ENTPD4: variants seen among roughly 807,000 people sequenced by gnomAD.
ENTPD4 encodes ectonucleoside triphosphate diphosphohydrolase 4, also known as Golgi UDPase.
ENTPD4 carries 60 observed loss-of-function variants against 79.1 expected under a neutral mutation model. The ratio of observed to expected loss-of-function variants is 0.76; its 90% CI spans 0.62 to 0.94. The LOEUF (loss-of-function observed/expected upper bound fraction) is 0.94, where lower values mean the gene tolerates loss of function less well. Among genes scored for constraint, ENTPD4 ranks in the 40% least tolerant of loss-of-function variants. The probability of loss-of-function intolerance (pLI) is 0.00; values close to 1 mark genes in which losing one functional copy is unlikely to be tolerated. For synonymous variants in ENTPD4, 276 were observed against 292.0 expected (o/e 0.95, Z 0.56); for missense variants, 772 against 775.1 (o/e 1.00, Z 0.05).
In ENTPD4 at chr8:23,448,927, G is replaced by A; in HGVS notation, c.21C>T (p.Ser7=). Residue 7 remains serine (S), a synonymous_variant, in exon 3 of 13, where the codon TCC becomes TCT. Coordinates refer to ENST00000358689, the MANE Select transcript of ENTPD4 (RefSeq NM_004901.5). MGRIGI[S]CLFPASWHFS... The stretch of plus-strand genomic sequence containing the variant: ...AATGCCAAGAAGCAGGAAAAAGACA[G>A]GAGATGCCAATCCTGAAATTAGAAG... 2 of 1,613,410 alleles carry A rather than the reference G, an allele frequency of 1.2e-6. No individual in the cohort carries two copies. Among genetic ancestry groups the A allele is most frequent in the Non-Finnish European group, 1.7e-6 (2 of 1,179,662 alleles).
chr8:23,434,261 GCTGTAA>G (rs1408062497), intron 12 of ENTPD4, 50 bp downstream of exon 12: 1 of 1,598,726 alleles, frequency 6.3e-7, no homozygotes, highest in Non-Finnish European at 8.6e-7. Context: ...GCCATGAGGT[GCTGTAA>G]CTGCAGAAAA....
Position 23,444,550 on chromosome 8 carries a change from A to C in ENTPD4, c.469T>G (p.Leu157Val), listed in dbSNP as rs769168677. 5 of 1,614,184 alleles carry C rather than the reference A, an allele frequency of 3.1e-6. No individual in the cohort carries two copies. The highest frequency in any genetic ancestry group is 4.2e-6 in the Non-Finnish European group (5 of 1,179,988). ...GGCACATGCTCTGCAGCAAAGTTCA[A>C]AAGTGGAGAAATGTAATCACTGACT... ...EKVSDYISPL[L>V]NFAAEHVPRA... Residue 157 changes from leucine (L) to valine (V), a missense_variant, in exon 5 of 13, where the codon TTG (leucine) becomes GTG (valine). Physicochemically the swap from Leu to Val is conservative, Grantham distance 32. Transcript: ENST00000358689.
intron 1 of ENTPD4, among the ~76,000 whole-genome samples, chr8:23,457,208 G>C (rs1223295459): frequency 1.3e-5 from 2 of 152,198 alleles, no homozygotes; most frequent in Non-Finnish European, 2.9e-5. Context: ...GGGCCGGCTG[G>C]GTCCCGGGTG....
intron 8 of ENTPD4, chr8:23,441,301 T>C: frequency 2.6e-6 from 1 of 387,348 alleles, no homozygotes; most frequent in Non-Finnish European, 3.5e-6. Flanking sequence ...GAAGAGAAAA[T>C]ATAAACTGAA....
chr8:23,435,382 T>C lies in ENTPD4; in HGVS notation c.1460+10A>G, dbSNP rs1800538570. The C allele has an allele frequency of 2.5e-6, 4 of 1,606,850 alleles. No homozygotes were observed. Among genetic ancestry groups the C allele is most frequent in the African/African-American group, 2.7e-5 (2 of 74,944 alleles). ...TAAGAGTGCCCTGGGCTTGACCTTCTAGTACTTACTTAAGCCTGTGGAGGT... is the reference window on the plus strand; with the variant it reads ...TAAGAGTGCCCTGGGCTTGACCTTCCAGTACTTACTTAAGCCTGTGGAGGT... On this transcript the variant is annotated intron_variant, in intron 11 of 12. Transcript: ENST00000358689.
chr8:23,435,391 C>T lies in ENTPD4; in HGVS notation c.1460+1G>A, dbSNP rs1300621447. 1.9e-6 allele frequency: 3 copies of T among 1,611,568 alleles called. No homozygotes were observed. Among genetic ancestry groups the T allele is most frequent in the Non-Finnish European group, 2.5e-6 (3 of 1,177,928 alleles). On this transcript the variant is annotated splice_donor_variant, in intron 11 of 12. Transcript: ENST00000358689. LOFTEE classifies it high-confidence loss of function. ...CCTGGGCTTGACCTTCTAGTACTTA[C>T]TTAAGCCTGTGGAGGTCAGCATGAG... is the stretch of plus-strand genomic sequence containing the variant.
intron 12 of ENTPD4, among the ~76,000 whole-genome samples, chr8:23,433,405 G>C (rs1284485264): frequency 6.6e-6 from 1 of 152,194 alleles, no homozygotes; most frequent in Non-Finnish European, 1.5e-5. Flanking sequence ...TAGAAGAGCC[G>C]TGAAGGTTTC....
At chr8:23,439,988 A>G in intron 8 of ENTPD4, 73 bp from the exon 9 acceptor site, 1 of 1,347,312 alleles carries the variant, frequency 7.4e-7, no homozygotes, top group Non-Finnish European at 1.0e-6. Flanking sequence ...AAAGTCTAAA[A>G]ATAGTCTCAT....
rs1482461014 is a variant in ENTPD4, at chr8:23,429,627, T to C, written c.*3299A>G. 6 of 985,356 alleles carry C rather than the reference T, an allele frequency of 6.1e-6. No individual in the cohort carries two copies. The East Asian group carries it at 6.8e-4, about 112-fold the overall frequency. The allele number at this position is 985,356 out of a possible 1,614,324, so 61.0% of individuals were successfully genotyped here. On this transcript the variant is annotated 3_prime_UTR_variant, in exon 13 of 13. Transcript: ENST00000358689. The stretch of plus-strand genomic sequence containing the variant: ...AAAACTACTCTGTGTAGGCCTGAGT[T>C]TAAAATGTAAATATCTGTTTATCCA...
Position 23,449,961 on chromosome 8 carries a change from G to C in ENTPD4, c.-61C>G. On this transcript the variant is annotated 5_prime_UTR_variant, in exon 2 of 13. Coordinates refer to ENST00000358689, the MANE Select transcript of ENTPD4 (RefSeq NM_004901.5). ...TCAGTCCTTCTCACAAACAATTATA[G>C]AAATAATGCTGGGGTCCTCACGGAG... The C allele has an allele frequency of 6.2e-7, 1 of 1,612,804 alleles. No homozygotes were observed. The highest frequency in any genetic ancestry group is 1.6e-4 in the Middle Eastern group (1 of 6,062).
At chr8:23,434,517 A>G (rs756892587) in intron 11 of ENTPD4, 39 bp from the exon 12 acceptor site, 4 of 1,608,272 alleles carry the variant, frequency 2.5e-6, no homozygotes, top group Non-Finnish European at 3.4e-6. Flanking sequence ...AGACTGACTC[A>G]CTCTGTCAAG....
chr8:23,439,074 TTA>T (rs1800622488), intron 9 of ENTPD4, among the ~76,000 whole-genome samples: 2 of 152,226 alleles, frequency 1.3e-5, no homozygotes, highest in African/African-American at 4.8e-5. Flanking sequence ...CAAATAGCTT[TTA>T]TGTTCTTACA....
Position 23,437,191 on chromosome 8 carries a change from T to C in ENTPD4, c.1117A>G (p.Ile373Val), listed in dbSNP as rs1303263879. Residue 373 changes from isoleucine (I) to valine (V), a missense_variant, in exon 10 of 13, where the codon ATT becomes GTT. Transcript: ENST00000358689. The part of the protein sequence containing the change: ...PYLDPCLPLD[I>V]KDEIQQNGQT... Reference sequence around the variant, plus strand: ...CCATTTTGCTGGATTTCATCTTTAATGTCTAGGGGTAGGCAGGGGTCCAAG... The same window carrying C: ...CCATTTTGCTGGATTTCATCTTTAACGTCTAGGGGTAGGCAGGGGTCCAAG... 2 of 1,614,166 alleles carry C rather than the reference T, an allele frequency of 1.2e-6. No homozygotes were observed. Among genetic ancestry groups the C allele is most frequent in the South Asian group, 2.2e-5 (2 of 91,078 alleles).
chr8:23,433,723 C>T (rs1334076469), intron 12 of ENTPD4, among the ~76,000 whole-genome samples: 1 of 152,224 alleles, frequency 6.6e-6, no homozygotes, highest in Admixed American at 6.5e-5. Context: ...TTAGCGTTGG[C>T]AGCACCTGCA....
Position 23,431,183 on chromosome 8 carries a change from C to G in ENTPD4, c.*1743G>C, listed in dbSNP as rs1436290241. On this transcript the variant is annotated 3_prime_UTR_variant, in exon 13 of 13. Transcript: ENST00000358689. ...CCTCAGCAGAACTGCCCCTAATGCTCAGTTCATGGCAATACAGGCCTTTTC... is the reference window on the plus strand; with the variant it reads ...CCTCAGCAGAACTGCCCCTAATGCTGAGTTCATGGCAATACAGGCCTTTTC... 1.1e-5 allele frequency: 4 copies of G among 361,342 alleles called. No homozygotes were observed. In the East Asian group the frequency reaches 6.7e-4, roughly 60 times the overall value. 22.4% of individuals were successfully genotyped at this position (361,342 alleles called of 1,614,324 possible).
intron 11 of ENTPD4, 72 bp from the exon 12 acceptor site, chr8:23,434,550 C>T (rs754731162): frequency 1.7e-4 from 271 of 1,583,004 alleles, no homozygotes; most frequent in Non-Finnish European, 2.1e-4. Context: ...CACACACACA[C>T]ACAATCCTTC....
intron 5 of ENTPD4, 91 bp downstream of exon 5, chr8:23,444,365 T>C: frequency 1.9e-6 from 2 of 1,077,486 alleles, no homozygotes; most frequent in East Asian, 2.4e-5. Context: ...ATGATGATGA[T>C]GATGGAGAGG....
chr8:23,448,911 A>C lies in ENTPD4; in HGVS notation c.37T>G (p.Ser13Ala). The C allele has an allele frequency of 6.2e-7, 1 of 1,614,100 alleles. No individual in the cohort carries two copies. The highest frequency in any genetic ancestry group is 8.5e-7 in the Non-Finnish European group (1 of 1,179,972). Residue 13 changes from serine (S) to alanine (A), a missense_variant, in exon 3 of 13, where the codon TCT (serine) becomes GCT (alanine). By Grantham distance (99) the Ser-to-Ala change is moderately conservative. Coordinates refer to ENST00000358689, the MANE Select transcript of ENTPD4 (RefSeq NM_004901.5). ...RIGISCLFPA[S>A]WHFSISPVGC... ...ACTGGAGATATGCTAAAATGCCAAGAAGCAGGAAAAAGACAGGAGATGCCA... is the reference window on the plus strand; with the variant it reads ...ACTGGAGATATGCTAAAATGCCAAGCAGCAGGAAAAAGACAGGAGATGCCA...
intron 1 of ENTPD4, among the ~76,000 whole-genome samples, chr8:23,454,509 C>A (rs1800919359): frequency 6.6e-6 from 1 of 152,082 alleles, no homozygotes; most frequent in Non-Finnish European, 1.5e-5. Flanking sequence ...TAATTAAAGG[C>A]AATGTTAAAT....
Sources: gnomAD v4.1 joint callset for allele counts (sites outside exome capture counted in the v4.1 genomes callset) on GRCh38, gnomAD v4.1.1 for gene constraint, MANE v1.5 for transcripts, NCBI Gene and HGNC (gene_info 2026-07-23, HGNC 2026-07-21) for gene names.